Variants in ATP9A observed in about 807,000 individuals in gnomAD.
ATP9A encodes ATPase phospholipid transporting 9A, also known as probable phospholipid-transporting ATPase IIA.
Under a neutral mutation model 144.1 loss-of-function variants are expected in ATP9A, and 52 were observed. The observed-to-expected ratio is 0.36, with a 90% CI of 0.29 to 0.45. The LOEUF is 0.45. Ranked by LOEUF, ATP9A falls within the 20% of genes least tolerant of loss-of-function variation. The probability of loss-of-function intolerance (pLI) is 1.00; values close to 1 mark genes in which losing one functional copy is unlikely to be tolerated. For missense variants in ATP9A, 947 were observed against 1,392.7 expected, an observed-to-expected ratio of 0.68 and a Z score of 5.09; for synonymous variants, 582 against 557.4, an observed-to-expected ratio of 1.04 and a Z score of -0.62.
chr20:51,765,985 G>A (rs2122928023), intron 1 of ATP9A, among the ~76,000 whole-genome samples: 1 of 152,166 alleles, frequency 6.6e-6, no homozygotes, highest in Admixed American at 6.6e-5. Context: ...TTCCAAAGCT[G>A]GTAAATTCTA....
At chr20:51,667,577 G>A (rs975762009) in intron 13 of ATP9A, among the ~76,000 whole-genome samples, 8 of 152,236 alleles carry the variant, frequency 5.3e-5, no homozygotes, top group Non-Finnish European at 1.0e-4. Context: ...AAAGGGGAGG[G>A]GATGAAGACC....
intron 15 of ATP9A, among the ~76,000 whole-genome samples, chr20:51,634,056 C>T (rs2095098268): frequency 6.6e-6 from 1 of 152,064 alleles, no homozygotes; most frequent in African/African-American, 2.4e-5. Context: ...TAGATCTGCC[C>T]ATCTGACAGC....
chr20:51,674,371 C>A, intron 10 of ATP9A, 58 bp from the exon 11 acceptor site: 1 of 1,580,466 alleles, frequency 6.3e-7, no homozygotes, highest in South Asian at 1.1e-5. Context: ...AATCTCAAAC[C>A]TAAACCAGGA....
At chr20:51,767,842 G>A (rs2077912101) in intron 1 of ATP9A, among the ~76,000 whole-genome samples, 1 of 152,250 alleles carries the variant, frequency 6.6e-6, no homozygotes, top group Non-Finnish European at 1.5e-5. Flanking sequence ...CCGAGGCGTA[G>A]GCCGCGCCCC....
At chr20:51,729,627 C>T (rs533617802) in intron 2 of ATP9A, among the ~76,000 whole-genome samples, 80 of 152,224 alleles carry the variant, frequency 5.3e-4, no homozygotes, top group Non-Finnish European at 8.2e-4. Flanking sequence ...TGCCTATAAT[C>T]CCAGCTACTC....
Position 51,736,817 on chromosome 20 carries a change from G to C in ATP9A, c.69-6839C>G, listed in dbSNP as rs149699622. The stretch of plus-strand genomic sequence containing the variant: ...GAAACAGGAATTATTTATGAGGCTG[G>C]TGCCATCATCCAGGCAAGACTATAG... On this transcript the variant is annotated intron_variant, in intron 1 of 27. Transcript: ENST00000338821. 3.5e-3 allele frequency among the ~76,000 whole-genome samples: 532 copies of C among 152,162 alleles called. 4 individuals are homozygous for C. The highest frequency in any genetic ancestry group is 0.012 in the African/African-American group (504 of 41,516).
chr20:51,702,924 T>A (rs2077600399), intron 4 of ATP9A, among the ~76,000 whole-genome samples: 2 of 152,200 alleles, frequency 1.3e-5, no homozygotes, highest in Admixed American at 1.3e-4. Context: ...ACAATTGATC[T>A]GACAGAAAAG....
Position 51,724,053 on chromosome 20 carries a change from C to T in ATP9A, c.327+1766G>A, listed in dbSNP as rs192312699. ...GGGCACAGTGGCGGGCACCTGTAAT[C>T]CCAGCTACTCGGGAGGCTGAGGCAG... On this transcript the variant is annotated intron_variant, in intron 3 of 27. Transcript: ENST00000338821. Among the ~76,000 whole-genome samples the T allele has an allele frequency of 1.6e-3, 243 of 151,954 alleles. 1 individual carries two copies. The highest frequency in any genetic ancestry group is 3.4e-3 in the Middle Eastern group (1 of 294).
rs150176463 is a variant in ATP9A, at chr20:51,762,760, A to T, written c.68+5542T>A. Among the ~76,000 whole-genome samples, 222 of 120,522 alleles carry T rather than the reference A, an allele frequency of 1.8e-3. 1 individual carries two copies. Among genetic ancestry groups the T allele is most frequent in the Middle Eastern group, 7.0e-3 (1 of 142 alleles). 79.1% of individuals were successfully genotyped at this position (120,522 alleles called of 152,430 possible). A position where few individuals can be genotyped will look rare whatever the true frequency, so the allele number is the denominator to read the frequency against. ...GGTCTCACTCTGTTGCCGAGGCTGG[A>T]GTGCAGCGGTATGATCAGGGTTTAC... On this transcript the variant is annotated intron_variant, in intron 1 of 27. Coordinates refer to ENST00000338821, the MANE Select transcript of ATP9A (RefSeq NM_006045.3).
At position 51,763,441 on chromosome 20, in the gene ATP9A, T is replaced by C. The variant is rs577580362; in HGVS notation, c.68+4861A>G. Among the ~76,000 whole-genome samples, 11 of 151,800 alleles carry C rather than the reference T, an allele frequency of 7.2e-5. No individual in the cohort carries two copies. The East Asian group carries it at 2.1e-3, about 30-fold the overall frequency. On this transcript the variant is annotated intron_variant, in intron 1 of 27. Coordinates refer to ENST00000338821, the MANE Select transcript of ATP9A (RefSeq NM_006045.3). Reference sequence around the variant, plus strand: ...CATTCTCCTGCCTCAGCCTCCTGAGTAGCTGGGACTACAAGTGCCCGCCAC... The same window carrying C: ...CATTCTCCTGCCTCAGCCTCCTGAGCAGCTGGGACTACAAGTGCCCGCCAC...
At chr20:51,667,412 C>T (rs766410462) in intron 13 of ATP9A, among the ~76,000 whole-genome samples, 1 of 152,286 alleles carries the variant, frequency 6.6e-6, no homozygotes, top group African/African-American at 2.4e-5. Flanking sequence ...GTGATACAGA[C>T]ATGTAGCTGG....
intron 1 of ATP9A, among the ~76,000 whole-genome samples, chr20:51,744,433 A>T (rs1266343299): frequency 6.6e-6 from 1 of 152,206 alleles, no homozygotes; most frequent in Non-Finnish European, 1.5e-5. Flanking sequence ...TCCAAAGTGG[A>T]TTACAAGCAT....
intron 21 of ATP9A, among the ~76,000 whole-genome samples, chr20:51,617,937 T>C (rs2077209931): frequency 6.6e-6 from 1 of 152,088 alleles, no homozygotes; most frequent in Non-Finnish European, 1.5e-5. Flanking sequence ...GTGATCCTTT[T>C]TAGGCTGAGC....
intron 19 of ATP9A, among the ~76,000 whole-genome samples, chr20:51,620,185 T>TGCC (rs2077220773): frequency 6.6e-6 from 1 of 152,148 alleles, no homozygotes; most frequent in Non-Finnish European, 1.5e-5. Flanking sequence ...CACTCAGCTC[T>TGCC]GCCGTTGTAA....
Position 51,599,227 on chromosome 20 carries a change from A to T in ATP9A, c.*1984T>A, listed in dbSNP as rs1296999998. The stretch of plus-strand genomic sequence containing the variant: ...GGGTTTGCAAAGTCTAAACAGGACT[A>T]TCTTAAGACTTCCCAGCGTTACAGA... On this transcript the variant is annotated 3_prime_UTR_variant, in exon 28 of 28. Transcript: ENST00000338821. The T allele has an allele frequency of 6.6e-6, 1 of 152,246 alleles. No individual in the cohort carries two copies. The highest frequency in any genetic ancestry group is 2.4e-5 in the African/African-American group (1 of 41,462). The allele number at this position is 152,246 out of a possible 1,614,324, so 9.4% of individuals were successfully genotyped here.
intron 3 of ATP9A, among the ~76,000 whole-genome samples, chr20:51,715,948 G>A (rs2077660047): frequency 2.0e-5 from 3 of 149,754 alleles, no homozygotes; most frequent in Admixed American, 1.3e-4. Flanking sequence ...TTGCCAAGTT[G>A]TACCTCAAAA....
At chr20:51,625,119 T>C in intron 18 of ATP9A, 73 bp downstream of exon 18, 1 of 1,460,780 alleles carries the variant, frequency 6.8e-7, no homozygotes, top group African/African-American at 1.4e-5. Context: ...TTTCCCCCTG[T>C]GATCTCCCTG....
At chr20:51,665,184 G>A (rs910503011) in intron 13 of ATP9A, among the ~76,000 whole-genome samples, 2 of 151,388 alleles carry the variant, frequency 1.3e-5, no homozygotes, top group Non-Finnish European at 2.9e-5. Flanking sequence ...TCTATTTATA[G>A]GCAATGTTCA....
chr20:51,694,158 G>T, intron 6 of ATP9A, 56 bp from the exon 7 acceptor site: 1 of 1,450,576 alleles, frequency 6.9e-7, no homozygotes, highest in Non-Finnish European at 9.7e-7. Flanking sequence ...TCCCTTGGCA[G>T]CTCTGGGCAG....
Sources: allele counts gnomAD v4.1 joint callset (sites outside exome capture counted in the v4.1 genomes callset), GRCh38; gene constraint gnomAD v4.1.1; transcripts MANE v1.5; gene names NCBI Gene and HGNC (gene_info 2026-07-23, HGNC 2026-07-21).